The following GREM2 variants were observed in gnomAD, a reference collection of about 807,000 sequenced individuals.
GREM2 encodes gremlin-2.
A neutral mutation model predicts 14.2 loss-of-function variants in GREM2; 11 were observed. The ratio of observed to expected loss-of-function variants is 0.78; its 90% CI spans 0.49 to 1.28. The LOEUF (loss-of-function observed/expected upper bound fraction) is 1.28. Ranked by LOEUF, GREM2 falls within the 50% of genes most tolerant of loss-of-function variation. GREM2 has a pLI of 0.00. For missense variants in GREM2, 210 were observed against 218.5 expected, an observed-to-expected ratio of 0.96 and a Z score of 0.24; for synonymous variants, 98 against 97.6, an observed-to-expected ratio of 1.00 and a Z score of -0.02.
chr1:240,598,950 TC>T (rs1679868459), intron 1 of GREM2, among the ~76,000 whole-genome samples: 1 of 152,084 alleles, frequency 6.6e-6, no homozygotes, highest in Non-Finnish European at 1.5e-5. Context: ...CATCCATCCA[TC>T]CATCCATCCA....
chr1:240,552,957 C>T (rs1678884258), intron 1 of GREM2, among the ~76,000 whole-genome samples: 1 of 152,122 alleles, frequency 6.6e-6, no homozygotes, highest in South Asian at 2.1e-4. Flanking sequence ...CCTTTCATCC[C>T]CTTTCTTTTA....
intron 1 of GREM2, among the ~76,000 whole-genome samples, chr1:240,509,610 C>T (rs144667250): frequency 0.012 from 1,857 of 152,034 alleles, 25 homozygotes; most frequent in African/African-American, 0.04. Flanking sequence ...TCAGGTGATC[C>T]GCCCGCCTCA....
rs142038301 is a variant in GREM2 at position 240,544,436 on chromosome 1, C to T, written c.-1-50960G>A. On this transcript the variant is annotated intron_variant, in intron 1 of 1. Coordinates refer to ENST00000318160, the MANE Select transcript of GREM2 (RefSeq NM_022469.4). The stretch of plus-strand genomic sequence containing the variant: ...TGCTGGGATTACAGGCGTGAGCCAC[C>T]GCGCCTGGCCAGTACTAGGCCATTT... Among the ~76,000 whole-genome samples, 58 of 152,214 alleles carry T rather than the reference C, an allele frequency of 3.8e-4. 1 individual carries two copies. The highest frequency in any genetic ancestry group is 1.3e-3 in the African/African-American group (52 of 41,538).
chr1:240,610,366 T>G (rs11578889), intron 1 of GREM2, among the ~76,000 whole-genome samples: 44,422 of 152,058 alleles, frequency 0.29, 7,102 homozygotes, highest in East Asian at 0.67. Flanking sequence ...GTCTATACTT[T>G]GACACGATTT....
intron 1 of GREM2, among the ~76,000 whole-genome samples, chr1:240,598,934 C>T (rs1679867923): frequency 6.6e-6 from 1 of 151,608 alleles, no homozygotes; most frequent in African/African-American, 2.4e-5. Context: ...CACTTACCCA[C>T]CCATCCATCC....
intron 1 of GREM2, among the ~76,000 whole-genome samples, chr1:240,595,140 C>T (rs1382126822): frequency 6.6e-6 from 1 of 152,164 alleles, no homozygotes; most frequent in Non-Finnish European, 1.5e-5. Context: ...AATCCCAGCA[C>T]TTCGGGAGGC....
intron 1 of GREM2, among the ~76,000 whole-genome samples, chr1:240,528,291 A>G (rs1572383693): frequency 6.6e-6 from 1 of 152,162 alleles, no homozygotes; most frequent in Non-Finnish European, 1.5e-5. Flanking sequence ...GTTTTTTACT[A>G]TGCCTCAGAG....
rs61432125 is a variant in GREM2 at position 240,543,801 on chromosome 1, C to T, written c.-1-50325G>A. ...AAAAGGGATTGATATACAGGCCTAA[C>T]GCTATTTTTGACACTTGATATCTTA... On this transcript the variant is annotated intron_variant, in intron 1 of 1. Coordinates refer to ENST00000318160, the MANE Select transcript of GREM2 (RefSeq NM_022469.4). This position sits in a 1 kb window ranked among gnomAD's most constrained non-coding sequence, Gnocchi z 6.4. Among the ~76,000 whole-genome samples the T allele has an allele frequency of 1.2e-4, 19 of 152,248 alleles. No individual in the cohort carries two copies. The highest frequency in any genetic ancestry group is 2.0e-4 in the Admixed American group (3 of 15,290).
intron 1 of GREM2, among the ~76,000 whole-genome samples, chr1:240,558,140 G>A (rs891562410): frequency 1.3e-5 from 2 of 152,088 alleles, no homozygotes; most frequent in African/African-American, 4.8e-5. Context: ...GGAAGTGAAA[G>A]GAGCTCAATT....
chr1:240,610,601 G>C (rs879657004), intron 1 of GREM2, among the ~76,000 whole-genome samples: 3 of 152,104 alleles, frequency 2.0e-5, no homozygotes, highest in Non-Finnish European at 4.4e-5. Flanking sequence ...TTCCTTGGTC[G>C]GGCACATGTC....
At chr1:240,597,723 G>A (rs1679848672) in intron 1 of GREM2, among the ~76,000 whole-genome samples, 1 of 152,132 alleles carries the variant, frequency 6.6e-6, no homozygotes, top group African/African-American at 2.4e-5. Flanking sequence ...TGATGAAATA[G>A]GACTAAAGTT....
At chr1:240,529,793 T>C (rs1678312447) in intron 1 of GREM2, among the ~76,000 whole-genome samples, 1 of 152,228 alleles carries the variant, frequency 6.6e-6, no homozygotes, top group Admixed American at 6.5e-5. Context: ...TGCGTATCCT[T>C]AATCCCTTTA....
intron 1 of GREM2, among the ~76,000 whole-genome samples, chr1:240,607,156 T>A (rs1162561984): frequency 6.6e-6 from 1 of 152,198 alleles, no homozygotes; most frequent in African/African-American, 2.4e-5. Flanking sequence ...TGTCAGCCAT[T>A]TCTCAGAGGG....
chr1:240,582,178 C>G (rs1341970691), intron 1 of GREM2, among the ~76,000 whole-genome samples: 1 of 152,234 alleles, frequency 6.6e-6, no homozygotes, highest in East Asian at 1.9e-4. Flanking sequence ...TGGCTCATGC[C>G]TGTAATCCCA....
intron 1 of GREM2, among the ~76,000 whole-genome samples, chr1:240,578,917 A>G (rs1165675754): frequency 1.3e-5 from 2 of 152,224 alleles, no homozygotes; most frequent in African/African-American, 4.8e-5. Context: ...GAACAGCTGC[A>G]GGTGGGTCAG....
rs1044216319 is a variant in GREM2, at chr1:240,493,682, C to T, written c.-1-206G>A. ...CTAGAACTACAGGCTTGCACCACCA[C>T]GCCCATCTACTTTCTTTTTATTTTT... On this transcript the variant is annotated intron_variant, in intron 1 of 1. Coordinates refer to ENST00000318160, the MANE Select transcript of GREM2 (RefSeq NM_022469.4). 2.7e-5 allele frequency among the ~76,000 whole-genome samples: 4 copies of T among 150,604 alleles called. No individual in the cohort carries two copies. The East Asian group carries it at 5.9e-4, about 22-fold the overall frequency.
Position 240,490,540 on chromosome 1 carries a change from C to A in GREM2, c.*2429G>T. The A allele has an allele frequency of 6.6e-6, 1 of 152,534 alleles. No individual in the cohort carries two copies. Among genetic ancestry groups the A allele is most frequent in the East Asian group, 1.9e-4 (1 of 5,178 alleles). 9.4% of individuals were successfully genotyped at this position (152,534 alleles called of 1,614,324 possible). On this transcript the variant is annotated 3_prime_UTR_variant, in exon 2 of 2. Transcript: ENST00000318160. ...ATTTGTTCTATAATTTAATAGTATA[C>A]CTATAAAATAATTACATTATACTTA...
intron 1 of GREM2, among the ~76,000 whole-genome samples, chr1:240,575,221 T>A (rs1679338416): frequency 6.6e-6 from 1 of 152,146 alleles, no homozygotes; most frequent in Non-Finnish European, 1.5e-5. Context: ...TATTTAACTG[T>A]GATAGTATTC....
chr1:240,513,406 C>T (rs977063485), intron 1 of GREM2, among the ~76,000 whole-genome samples: 1 of 151,972 alleles, frequency 6.6e-6, no homozygotes, highest in Non-Finnish European at 1.5e-5. Context: ...GAAACCCCAT[C>T]TCTACTAAAA....
Sources: gnomAD v4.1 joint callset for allele counts (sites outside exome capture counted in the v4.1 genomes callset) on GRCh38, gnomAD v4.1.1 for gene constraint, Gnocchi (gnomAD v3.1) non-coding constraint, MANE v1.5 for transcripts, NCBI Gene and HGNC (gene_info 2026-07-23, HGNC 2026-07-21) for gene names.